DLGAP2: variants seen among roughly 807,000 people sequenced by gnomAD.
DLGAP2 encodes the protein DLG associated protein 2, also known as disks large-associated protein 2.
In DLGAP2, 26 loss-of-function variants were observed where a neutral mutation model predicts 100.3. That is an observed-to-expected ratio of 0.26 (90% CI 0.19 to 0.36). The LOEUF is 0.36. Ranked by LOEUF, DLGAP2 falls within the 10% of genes least tolerant of loss-of-function variation. DLGAP2 has a pLI of 1.00. For missense variants in DLGAP2, 1,858 were observed against 1,453.2 expected (o/e 1.28, Z -4.53); for synonymous variants, 886 against 630.1 (o/e 1.41, Z -6.08).
intron 2 of DLGAP2, among the ~76,000 whole-genome samples, chr8:1,255,398 C>T (rs1431376945): frequency 1.4e-5 from 2 of 140,120 alleles, no homozygotes; most frequent in African/African-American, 2.7e-5. Flanking sequence ...GTGTGTGTGT[C>T]CTCTCCTGCC....
At chr8:837,363 C>T (rs373970912) in intron 1 of DLGAP2, among the ~76,000 whole-genome samples, 1 of 152,208 alleles carries the variant, frequency 6.6e-6, no homozygotes, top group African/African-American at 2.4e-5. Flanking sequence ...TGGTTCCTGA[C>T]TCATAATAAA....
chr8:1,180,743 G>A (rs1369083783), intron 2 of DLGAP2, among the ~76,000 whole-genome samples: 2 of 151,940 alleles, frequency 1.3e-5, no homozygotes, highest in Non-Finnish European at 2.9e-5. Context: ...CATTGAGTCT[G>A]TGTGGGTGTG....
intron 2 of DLGAP2, among the ~76,000 whole-genome samples, chr8:1,045,159 C>T (rs1456723531): frequency 6.6e-6 from 1 of 152,236 alleles, no homozygotes; most frequent in African/African-American, 2.4e-5. Flanking sequence ...CCTGCAATGT[C>T]CAGTCTGCTG....
chr8:1,419,168 CAT>C (rs1157587988), intron 3 of DLGAP2, among the ~76,000 whole-genome samples: 2 of 151,280 alleles, frequency 1.3e-5, no homozygotes, highest in Non-Finnish European at 2.9e-5. Context: ...AATAATTGTA[CAT>C]GTTTGTGGGA....
intron 1 of DLGAP2, among the ~76,000 whole-genome samples, chr8:859,631 T>G (rs983571251): frequency 2.0e-5 from 3 of 152,124 alleles, no homozygotes; most frequent in Non-Finnish European, 4.4e-5. Flanking sequence ...GGGGATGAAG[T>G]CAGCTGTCTC....
chr8:1,338,435 C>T (rs560662318), intron 3 of DLGAP2, among the ~76,000 whole-genome samples: 147 of 152,290 alleles, frequency 9.7e-4, no homozygotes, highest in African/African-American at 3.3e-3. Context: ...ATGTCCAGGA[C>T]AGGCAAATCT....
chr8:1,213,210 G>T (rs1347203841), intron 2 of DLGAP2, among the ~76,000 whole-genome samples: 5 of 152,142 alleles, frequency 3.3e-5, no homozygotes, highest in Non-Finnish European at 5.9e-5. Flanking sequence ...CATACTCACA[G>T]TCTTGTCTGT....
chr8:945,946 G>A (rs1362041127), intron 2 of DLGAP2, among the ~76,000 whole-genome samples: 1 of 152,150 alleles, frequency 6.6e-6, no homozygotes, highest in African/African-American at 2.4e-5. Flanking sequence ...TAACGAGACT[G>A]ATCTTCTCCT....
intron 3 of DLGAP2, among the ~76,000 whole-genome samples, chr8:1,280,755 C>T (rs1326641786): frequency 6.6e-6 from 1 of 152,120 alleles, no homozygotes; most frequent in African/African-American, 2.4e-5. Context: ...GCTGGAAGGG[C>T]AGTTGGGGGT....
At chr8:1,552,645 T>C (rs1801808503) in intron 5 of DLGAP2, among the ~76,000 whole-genome samples, 1 of 152,206 alleles carries the variant, frequency 6.6e-6, no homozygotes, top group Non-Finnish European at 1.5e-5. Flanking sequence ...ACAGGGAAAC[T>C]AAAGGAATTT....
At chr8:1,383,466 A>G (rs2063975) in intron 3 of DLGAP2, among the ~76,000 whole-genome samples, 101,478 of 152,160 alleles carry the variant, frequency 0.67, 34,190 homozygotes, top group East Asian at 0.95. Flanking sequence ...TTGTACACAC[A>G]AGAACACGGA....
At chr8:776,922 G>A (rs553836325) in intron 1 of DLGAP2, among the ~76,000 whole-genome samples, 3,309 of 152,156 alleles carry the variant, frequency 0.022, 43 homozygotes, top group Admixed American at 0.046. Flanking sequence ...TTTCTGTCTC[G>A]TTGATCTGTC....
At chr8:1,624,851 C>CTCTCTCTCTCTCTCTCTG (rs1797449553) in intron 6 of DLGAP2, among the ~76,000 whole-genome samples, 1 of 143,408 alleles carries the variant, frequency 7.0e-6, no homozygotes, top group Non-Finnish European at 1.5e-5. Context: ...TGCTTTCTCT[C>CTCTCTCTCTCTCTCTCTG]TCTCTCTCTC....
rs539001602 is a variant in DLGAP2, at chr8:1,215,063, C to T, written c.74-43788C>T. 3.9e-5 allele frequency among the ~76,000 whole-genome samples: 6 copies of T among 152,280 alleles called. No individual in the cohort carries two copies. The South Asian group carries it at 1.2e-3, about 32-fold the overall frequency. On this transcript the variant is annotated intron_variant, in intron 2 of 14. Coordinates refer to ENST00000637795, the MANE Select transcript of DLGAP2 (RefSeq NM_001346810.2). ...AGTATAAGAACACAAAAGGGAAAAT[C>T]AACGTCATCCATGCAGGAAACAGTA...
At chr8:856,189 T>TCTTCTTCTTC (rs1563065837) in intron 1 of DLGAP2, among the ~76,000 whole-genome samples, 36 of 147,232 alleles carry the variant, frequency 2.4e-4, no homozygotes, top group South Asian at 1.1e-3. Context: ...CTTCTTCTTT[T>TCTTCTTCTTC]TTTTTTTTTT....
At chr8:880,167 G>A (rs4735948) in intron 1 of DLGAP2, among the ~76,000 whole-genome samples, 133,633 of 152,110 alleles carry the variant, frequency 0.88, 59,016 homozygotes, top group African/African-American at 0.9. Context: ...TCTTGGCCCC[G>A]CCCCTTCTCC....
chr8:1,438,774 G>A (rs927553358), intron 3 of DLGAP2, among the ~76,000 whole-genome samples: 1 of 152,208 alleles, frequency 6.6e-6, no homozygotes, highest in African/African-American at 2.4e-5. Context: ...GGCGGCAGCA[G>A]GCTCTAAAGA....
At chr8:888,486 T>G (rs1182408282) in intron 1 of DLGAP2, among the ~76,000 whole-genome samples, 1 of 152,208 alleles carries the variant, frequency 6.6e-6, no homozygotes, top group South Asian at 2.1e-4. Flanking sequence ...TTTTTTTTCA[T>G]TGATTCTTTC....
chr8:1,487,881 G>A (rs1434107336), intron 3 of DLGAP2, among the ~76,000 whole-genome samples: 3 of 152,204 alleles, frequency 2.0e-5, no homozygotes, highest in East Asian at 3.9e-4. Context: ...TGGGAGGACA[G>A]CGGTCACCAC....
Sources: allele counts gnomAD v4.1 joint callset (sites outside exome capture counted in the v4.1 genomes callset), GRCh38; gene constraint gnomAD v4.1.1; transcripts MANE v1.5; gene names NCBI Gene and HGNC (gene_info 2026-07-23, HGNC 2026-07-21).